Variants in KHDRBS2 observed in about 807,000 individuals in gnomAD.
KHDRBS2 encodes the protein KH domain-containing, RNA-binding, signal transduction-associated protein 2.
In KHDRBS2, 26 loss-of-function variants were observed where a neutral mutation model predicts 44.3. That is an observed-to-expected ratio of 0.59 (90% CI 0.43 to 0.81). KHDRBS2 has a LOEUF of 0.81. KHDRBS2 is among the 40% of genes least tolerant of loss of function. The probability of loss-of-function intolerance (pLI) is 0.00; values close to 1 mark genes in which losing one functional copy is unlikely to be tolerated. For synonymous variants in KHDRBS2, 194 were observed against 151.1 expected, an observed-to-expected ratio of 1.28 and a Z score of -2.08; for missense variants, 476 against 433.1, an observed-to-expected ratio of 1.10 and a Z score of -0.88.
intron 6 of KHDRBS2, among the ~76,000 whole-genome samples, chr6:61,825,838 A>T (rs1020219166): frequency 1.3e-5 from 2 of 152,152 alleles, no homozygotes; most frequent in African/African-American, 4.8e-5. Flanking sequence ...TGAGAATAGA[A>T]CCTAGTTCAC....
At chr6:61,765,499 T>C (rs1779874669) in intron 6 of KHDRBS2, among the ~76,000 whole-genome samples, 1 of 151,922 alleles carries the variant, frequency 6.6e-6, no homozygotes, top group African/African-American at 2.4e-5. Context: ...AAATAAAGGA[T>C]CCTACATTCT....
intron 4 of KHDRBS2, among the ~76,000 whole-genome samples, chr6:61,962,539 C>T (rs951934377): frequency 2.0e-5 from 3 of 152,116 alleles, no homozygotes; most frequent in Non-Finnish European, 4.4e-5. Context: ...GACCTTTCAA[C>T]TAATACAAAG....
chr6:61,954,040 C>A (rs1299426753), intron 4 of KHDRBS2, among the ~76,000 whole-genome samples: 3 of 152,118 alleles, frequency 2.0e-5, no homozygotes, highest in African/African-American at 4.8e-5. Flanking sequence ...AATGTTGCCA[C>A]AAAATCAAGG....
chr6:62,167,365 T>TA (rs1258090164), intron 2 of KHDRBS2, among the ~76,000 whole-genome samples: 3 of 151,928 alleles, frequency 2.0e-5, no homozygotes, highest in African/African-American at 4.8e-5. Context: ...ACATAAAAAT[T>TA]AAAAAAATAC....
chr6:62,082,283 AG>A (rs1562814246), intron 2 of KHDRBS2, among the ~76,000 whole-genome samples: 1 of 148,114 alleles, frequency 6.8e-6, no homozygotes, highest in Non-Finnish European at 1.5e-5. Context: ...TGAAATTCTT[AG>A]TTTAAAGAGA....
intron 2 of KHDRBS2, among the ~76,000 whole-genome samples, chr6:62,091,008 C>T (rs1799393210): frequency 6.6e-6 from 1 of 152,124 alleles, no homozygotes; most frequent in Admixed American, 6.5e-5. Flanking sequence ...CTATGGGTGA[C>T]ACTGTAATTG....
At chr6:61,998,702 T>C (rs538522595) in intron 3 of KHDRBS2, among the ~76,000 whole-genome samples, 2 of 152,180 alleles carry the variant, frequency 1.3e-5, no homozygotes, top group South Asian at 2.1e-4. Context: ...TCCAAATTCA[T>C]GCCAATAATT....
At chr6:62,007,347 T>C (rs1327514137) in intron 3 of KHDRBS2, among the ~76,000 whole-genome samples, 1 of 152,018 alleles carries the variant, frequency 6.6e-6, no homozygotes, top group Non-Finnish European at 1.5e-5. Context: ...GCCATGATTA[T>C]CCAAAGTGGC....
intron 6 of KHDRBS2, among the ~76,000 whole-genome samples, chr6:61,841,421 ATAAT>A (rs1175381532): frequency 6.6e-6 from 1 of 152,192 alleles, no homozygotes; most frequent in Non-Finnish European, 1.5e-5. Flanking sequence ...ATTATTTTAA[ATAAT>A]TCTGTTTAAA....
chr6:61,825,452 C>T (rs1790685437), intron 6 of KHDRBS2, among the ~76,000 whole-genome samples: 1 of 152,096 alleles, frequency 6.6e-6, no homozygotes, highest in Non-Finnish European at 1.5e-5. Context: ...AAATAGCACG[C>T]CAACCTATGT....
the KHDRBS2 span, among the ~76,000 whole-genome samples, chr6:61,565,796 G>C: frequency 6.6e-6 from 1 of 152,008 alleles, no homozygotes; most frequent in Non-Finnish European, 1.5e-5. Flanking sequence ...AAAGAAAACA[G>C]TATGAAATTT....
chr6:61,631,669 A>C, the KHDRBS2 span, among the ~76,000 whole-genome samples: 1 of 152,156 alleles, frequency 6.6e-6, no homozygotes. Context: ...ATCCTTCTAA[A>C]GCTTTGTGTC....
intron 6 of KHDRBS2, among the ~76,000 whole-genome samples, chr6:61,759,307 A>G (rs9451443): frequency 0.028 from 4,294 of 152,244 alleles, 223 homozygotes; most frequent in African/African-American, 0.099. Context: ...AGTCGTATTT[A>G]TGGTTTTGCA....
the KHDRBS2 span, among the ~76,000 whole-genome samples, chr6:61,660,799 T>A: frequency 7.2e-5 from 11 of 151,884 alleles, no homozygotes; most frequent in Admixed American, 1.3e-4. Context: ...AAAAAGGTGA[T>A]ACTTGGCAGG....
At chr6:61,590,738 G>A in the KHDRBS2 span, among the ~76,000 whole-genome samples, 1 of 152,128 alleles carries the variant, frequency 6.6e-6, no homozygotes, top group Non-Finnish European at 1.5e-5. Context: ...TGAGGGGACT[G>A]AGCTAACAAT....
chr6:61,822,560 T>C (rs755920472), intron 6 of KHDRBS2, among the ~76,000 whole-genome samples: 1 of 152,014 alleles, frequency 6.6e-6, no homozygotes, highest in African/African-American at 2.4e-5. Context: ...CATTCTAGCA[T>C]ACTTAAAAAT....
intron 2 of KHDRBS2, among the ~76,000 whole-genome samples, chr6:62,135,228 T>C (rs1338921044): frequency 6.6e-6 from 1 of 152,202 alleles, no homozygotes; most frequent in Non-Finnish European, 1.5e-5. Flanking sequence ...GTAAGTCTCA[T>C]GAGATCCAAT....
At chr6:62,191,959 A>G (rs552098618) in intron 1 of KHDRBS2, among the ~76,000 whole-genome samples, 6 of 152,210 alleles carry the variant, frequency 3.9e-5, no homozygotes, top group East Asian at 3.9e-4. Flanking sequence ...TTAGAAAGTG[A>G]TATTTTATGC....
the KHDRBS2 span, among the ~76,000 whole-genome samples, chr6:61,545,146 T>A: frequency 2.0e-5 from 3 of 151,984 alleles, no homozygotes; most frequent in Admixed American, 6.6e-5. Context: ...TTTGTCTGGC[T>A]TAAGAAGTGA....
Sources: allele counts gnomAD v4.1 joint callset (sites outside exome capture counted in the v4.1 genomes callset), GRCh38; gene constraint gnomAD v4.1.1; transcripts MANE v1.5; gene names NCBI Gene and HGNC (gene_info 2026-07-23, HGNC 2026-07-21).